Variants in RFX8 observed in about 807,000 individuals in gnomAD.
The protein encoded by RFX8 is DNA-binding protein RFX8.
A neutral mutation model predicts 54.6 loss-of-function variants in RFX8; 46 were observed. The observed-to-expected ratio is 0.84, with a 90% CI of 0.67 to 1.08. The LOEUF is 1.08. RFX8 is among the 50% of genes least tolerant of loss of function. The pLI is 0.00. For synonymous variants in RFX8, 192 were observed against 209.5 expected, an observed-to-expected ratio of 0.92 and a Z score of 0.72; for missense variants, 536 against 562.3, an observed-to-expected ratio of 0.95 and a Z score of 0.47.
At chr2:101,408,164 T>G (rs1639047205) in intron 9 of RFX8, among the ~76,000 whole-genome samples, 1 of 152,204 alleles carries the variant, frequency 6.6e-6, no homozygotes, top group Non-Finnish European at 1.5e-5. Flanking sequence ...GGGTTGGTAG[T>G]GATGATCTCA....
chr2:101,411,097 A>G (rs765097076), intron 8 of RFX8, among the ~76,000 whole-genome samples: 1 of 152,252 alleles, frequency 6.6e-6, no homozygotes, highest in Non-Finnish European at 1.5e-5. Flanking sequence ...CATTGAAGTG[A>G]TGGCAGACAT....
intron 11 of RFX8, among the ~76,000 whole-genome samples, chr2:101,400,640 G>A (rs1257745389): frequency 3.3e-5 from 5 of 152,136 alleles, no homozygotes; most frequent in African/African-American, 7.2e-5. Flanking sequence ...CCTCCCTTAC[G>A]GTGCTTTAAC....
At chr2:101,443,840 C>G (rs1325569533) in intron 2 of RFX8, among the ~76,000 whole-genome samples, 1 of 152,108 alleles carries the variant, frequency 6.6e-6, no homozygotes, top group Non-Finnish European at 1.5e-5. Flanking sequence ...GGGCTGCAAC[C>G]CTCTTTCCAC....
intron 8 of RFX8, among the ~76,000 whole-genome samples, chr2:101,411,531 C>T (rs1686128746): frequency 6.6e-6 from 1 of 152,030 alleles, no homozygotes; most frequent in South Asian, 2.1e-4. Context: ...TCCTGGGACT[C>T]CCTGTGATCC....
intron 1 of RFX8, among the ~76,000 whole-genome samples, chr2:101,471,151 T>A (rs975108939): frequency 6.6e-6 from 1 of 151,854 alleles, no homozygotes; most frequent in Admixed American, 6.6e-5. Context: ...GTGGCTAACA[T>A]GGCGAAACCC....
At chr2:101,428,421 T>G (rs1159191324) in intron 2 of RFX8, among the ~76,000 whole-genome samples, 1 of 152,204 alleles carries the variant, frequency 6.6e-6, no homozygotes, top group Non-Finnish European at 1.5e-5. Flanking sequence ...AAGAGGGCCC[T>G]CCGGTAACCT....
rs1690168078 is a variant in RFX8, at chr2:101,474,140, C to G, written c.-53+496G>C. 10 of 575,156 alleles carry G rather than the reference C, an allele frequency of 1.7e-5. No individual in the cohort carries two copies. In the South Asian group the frequency reaches 2.0e-4, roughly 11 times the overall value. The allele number at this position is 575,156 out of a possible 1,614,324, so 35.6% of individuals were successfully genotyped here. On this transcript the variant is annotated intron_variant, in intron 1 of 11. Coordinates refer to ENST00000428343, the MANE Select transcript of RFX8 (RefSeq NM_001145664.2). ...TCCCGAGGGCAGCCGTAGCGGGAAC[C>G]ACGCTTCCCCTCCCCGGCCCCACCT... is the stretch of plus-strand genomic sequence containing the variant.
intron 2 of RFX8, among the ~76,000 whole-genome samples, chr2:101,430,257 G>A (rs769502378): frequency 2.0e-5 from 3 of 152,196 alleles, no homozygotes; most frequent in Non-Finnish European, 4.4e-5. Context: ...AATGCTAGAG[G>A]AGCCAAAGGC....
intron 2 of RFX8, among the ~76,000 whole-genome samples, chr2:101,466,015 TCCA>T (rs1689555252): frequency 6.6e-6 from 1 of 152,100 alleles, no homozygotes. Context: ...GTGTAGAACT[TCCA>T]CAAATGAACA....
intron 2 of RFX8, among the ~76,000 whole-genome samples, chr2:101,449,627 A>G (rs1688570835): frequency 6.6e-6 from 1 of 152,076 alleles, no homozygotes; most frequent in Non-Finnish European, 1.5e-5. Context: ...CCATATGTTG[A>G]GTGTGAGGTA....
At chr2:101,442,183 T>G (rs967481828) in intron 2 of RFX8, among the ~76,000 whole-genome samples, 1 of 152,242 alleles carries the variant, frequency 6.6e-6, no homozygotes, top group Non-Finnish European at 1.5e-5. Flanking sequence ...TTTTTTCCAT[T>G]TAGGCCTCTT....
intron 1 of RFX8, among the ~76,000 whole-genome samples, chr2:101,471,889 G>A (rs1389166361): frequency 6.6e-6 from 1 of 152,196 alleles, no homozygotes; most frequent in Non-Finnish European, 1.5e-5. Context: ...TGTGGAAAAT[G>A]GCAGGTTTCC....
intron 1 of RFX8, among the ~76,000 whole-genome samples, chr2:101,473,858 C>T (rs1039888663): frequency 1.3e-5 from 2 of 152,218 alleles, no homozygotes; most frequent in African/African-American, 4.8e-5. Context: ...TTTTCCTCCC[C>T]TGGCAAGGCC....
chr2:101,418,719 GTCCATAC>G (rs1686681144), intron 5 of RFX8, 125 bp downstream of exon 5: 1 of 682,354 alleles, frequency 1.5e-6, no homozygotes, highest in South Asian at 1.6e-5. Context: ...AGGGCTCCTG[GTCCATAC>G]ACCCCACTAT....
At chr2:101,419,325 G>A (rs1686722332) in intron 4 of RFX8, among the ~76,000 whole-genome samples, 1 of 152,194 alleles carries the variant, frequency 6.6e-6, no homozygotes, top group African/African-American at 2.4e-5. Context: ...CTGACTGACT[G>A]ACTGCCTCAA....
chr2:101,468,294 T>A (rs1296774436), intron 1 of RFX8, among the ~76,000 whole-genome samples: 2 of 152,178 alleles, frequency 1.3e-5, no homozygotes, highest in East Asian at 3.8e-4. Flanking sequence ...TTCCAGAGGC[T>A]CTGAGGGAGA....
At chr2:101,439,955 A>G (rs1015672780) in intron 2 of RFX8, among the ~76,000 whole-genome samples, 1 of 152,076 alleles carries the variant, frequency 6.6e-6, no homozygotes, top group Non-Finnish European at 1.5e-5. Context: ...CCCCATCCTG[A>G]TTGCTGTGGC....
In RFX8 at chr2:101,417,597, T is replaced by G; in HGVS notation, c.439A>C (p.Lys147Gln). The change falls in exon 6 of 12, where the codon AAG becomes CAG. Residue 147 changes from lysine (K) to glutamine (Q), a missense_variant. Coordinates refer to ENST00000428343, the MANE Select transcript of RFX8 (RefSeq NM_001145664.2). The stretch of plus-strand genomic sequence containing the variant: ...TCCAAAGCATTAAGGAGCCACAGCT[T>G]AAATTTCTTACTAAATAACTGCACA... ...KSVQLFSKKF[K>Q]LWLLNALEGV... 1 of 1,551,812 alleles carries G rather than the reference T, an allele frequency of 6.4e-7. No homozygotes were observed. The highest frequency in any genetic ancestry group is 8.7e-7 in the Non-Finnish European group (1 of 1,146,916).
chr2:101,412,992 G>C lies in RFX8; in HGVS notation c.641C>G (p.Thr214Ser), dbSNP rs1686235909. 6.4e-7 allele frequency: 1 copy of C among 1,552,018 alleles called. No homozygotes were observed. Among genetic ancestry groups the C allele is most frequent in the African/African-American group, 1.4e-5 (1 of 73,168 alleles). The change falls in exon 8 of 12, where the codon ACT becomes AGT. Residue 214 changes from threonine to serine, a missense_variant. Transcript: ENST00000428343. ...CAGGGCTTTCTTAGAAGTAGCCAAAGTGCCTTGATTGATGATGGCCTGTAG... is the reference window on the plus strand; with the variant it reads ...CAGGGCTTTCTTAGAAGTAGCCAAACTGCCTTGATTGATGATGGCCTGTAG... ...SDLQAIINQG[T>S]LATSKKALAS... is the part of the protein sequence containing the mutation.
Sources: allele counts gnomAD v4.1 joint callset (sites outside exome capture counted in the v4.1 genomes callset), GRCh38; gene constraint gnomAD v4.1.1; transcripts MANE v1.5; gene names NCBI Gene and HGNC (gene_info 2026-07-23, HGNC 2026-07-21).